PRKCA: variants seen among roughly 807,000 people sequenced by gnomAD.
PRKCA encodes the protein protein kinase C alpha, also known as protein kinase C alpha type.
Under a neutral mutation model 87.0 loss-of-function variants are expected in PRKCA, and 27 were observed. The observed-to-expected ratio is 0.31, with a 90% CI of 0.23 to 0.43. The LOEUF (loss-of-function observed/expected upper bound fraction) is 0.43. Ranked by LOEUF, PRKCA falls within the 20% of genes least tolerant of loss-of-function variation. PRKCA has a pLI of 1.00. For synonymous variants in PRKCA, 329 were observed against 311.1 expected (o/e 1.06, Z -0.61); for missense variants, 518 against 852.3 (o/e 0.61, Z 4.88).
intron 2 of PRKCA, among the ~76,000 whole-genome samples, chr17:66,350,038 G>C (rs756488433): frequency 6.6e-6 from 1 of 152,106 alleles, no homozygotes; most frequent in African/African-American, 2.4e-5. Context: ...CTAATGGGCA[G>C]TGAAAAAAGA....
intron 5 of PRKCA, among the ~76,000 whole-genome samples, chr17:66,664,351 G>A (rs559036960): frequency 1.3e-5 from 2 of 152,292 alleles, no homozygotes; most frequent in South Asian, 4.1e-4. Flanking sequence ...CCCAGGAGCT[G>A]CGTCCCAAGG....
At chr17:66,389,949 C>G (rs1327660597) in intron 2 of PRKCA, among the ~76,000 whole-genome samples, 4 of 152,224 alleles carry the variant, frequency 2.6e-5, no homozygotes, top group Admixed American at 6.5e-5. Context: ...AGAGGCCGGG[C>G]GCAGTGGCTC....
At chr17:66,536,628 G>C (rs1375953464) in intron 3 of PRKCA, among the ~76,000 whole-genome samples, 1 of 152,216 alleles carries the variant, frequency 6.6e-6, no homozygotes, top group Non-Finnish European at 1.5e-5. Context: ...GGATGCTGCT[G>C]TTGATGTCAT....
intron 13 of PRKCA, among the ~76,000 whole-genome samples, chr17:66,764,837 T>C (rs759278692): frequency 2.0e-5 from 3 of 152,192 alleles, no homozygotes; most frequent in Admixed American, 6.5e-5. Flanking sequence ...TAAGCCCACA[T>C]TGGCCCACAA....
intron 4 of PRKCA, among the ~76,000 whole-genome samples, chr17:66,643,101 G>A (rs1013010554): frequency 1.3e-5 from 2 of 152,120 alleles, no homozygotes; most frequent in Non-Finnish European, 2.9e-5. Flanking sequence ...GTTTTCAGGG[G>A]TTCTGCAAGG....
chr17:66,451,118 A>G (rs187044325), intron 2 of PRKCA, among the ~76,000 whole-genome samples: 41 of 152,312 alleles, frequency 2.7e-4, no homozygotes, highest in Non-Finnish European at 5.4e-4. Context: ...CTATTAACCA[A>G]GTAATATCTT....
intron 2 of PRKCA, among the ~76,000 whole-genome samples, chr17:66,432,670 G>GATGCCA (rs1913159871): frequency 6.6e-6 from 1 of 152,108 alleles, no homozygotes. Flanking sequence ...GCCAGGGACT[G>GATGCCA]GGCCTTATTC....
At chr17:66,376,845 T>C (rs1909448422) in intron 2 of PRKCA, among the ~76,000 whole-genome samples, 1 of 152,036 alleles carries the variant, frequency 6.6e-6, no homozygotes, top group South Asian at 2.1e-4. Context: ...CTCCTTGTTG[T>C]GTGGACCTGT....
At chr17:66,522,873 C>G (rs1392551801) in intron 3 of PRKCA, among the ~76,000 whole-genome samples, 143 of 151,522 alleles carry the variant, frequency 9.4e-4, no homozygotes, top group Non-Finnish European at 1.2e-4. Context: ...ATGAAACCTA[C>G]TATGAATCCA....
intron 13 of PRKCA, among the ~76,000 whole-genome samples, chr17:66,759,898 GT>G (rs1974644074): frequency 6.6e-6 from 1 of 152,206 alleles, no homozygotes; most frequent in Admixed American, 6.5e-5. Context: ...TAATGTGTGC[GT>G]CTGACAGCAG....
chr17:66,664,647 G>GTTTTTTTTTTTTTTTTT (rs398031366), intron 5 of PRKCA, among the ~76,000 whole-genome samples: 3 of 67,788 alleles, frequency 4.4e-5, no homozygotes, highest in African/African-American at 6.4e-5. Flanking sequence ...TTTTGCTTTG[G>GTTTTTTTTTTTTTTTTT]TTTTTTTTTT....
intron 2 of PRKCA, among the ~76,000 whole-genome samples, chr17:66,362,842 G>A (rs192932024): frequency 2.0e-5 from 3 of 152,236 alleles, no homozygotes; most frequent in Non-Finnish European, 4.4e-5. Context: ...TTACAGGCAT[G>A]TGCCGCCATG....
At chr17:66,504,198 A>C (rs983578509) in intron 3 of PRKCA, among the ~76,000 whole-genome samples, 2 of 152,090 alleles carry the variant, frequency 1.3e-5, no homozygotes, top group African/African-American at 4.8e-5. Context: ...TGTACTGTGA[A>C]GGTTACAAAG....
chr17:66,325,596 A>G (rs564249631), intron 2 of PRKCA, among the ~76,000 whole-genome samples: 23 of 152,294 alleles, frequency 1.5e-4, no homozygotes, highest in Middle Eastern at 3.4e-3. Context: ...AGAGTGTCCT[A>G]TTCATAAATC....
At chr17:66,552,247 A>G (rs1217947492) in intron 3 of PRKCA, among the ~76,000 whole-genome samples, 1 of 152,204 alleles carries the variant, frequency 6.6e-6, no homozygotes, top group Non-Finnish European at 1.5e-5. Context: ...GCAGTGAGCC[A>G]TGATTGCACC....
intron 5 of PRKCA, among the ~76,000 whole-genome samples, chr17:66,665,385 C>A (rs534163124): frequency 1.3e-5 from 2 of 152,260 alleles, no homozygotes; most frequent in South Asian, 4.2e-4. Flanking sequence ...TTCTGGTATA[C>A]GCTGAGTCAC....
chr17:66,521,304 C>G (rs4791053), intron 3 of PRKCA, among the ~76,000 whole-genome samples: 98,617 of 152,004 alleles, frequency 0.65, 32,974 homozygotes, highest in African/African-American at 0.82. Flanking sequence ...ATAGTGATGG[C>G]GATCTATAGT....
In PRKCA at chr17:66,575,435, C is replaced by T. The variant is rs370762283; in HGVS notation, c.289-65920C>T. On this transcript the variant is annotated intron_variant, in intron 3 of 16. Coordinates refer to ENST00000413366, the MANE Select transcript of PRKCA (RefSeq NM_002737.3). ...TCTCTACTAAAAATACAAAAATTAG[C>T]TGAGCATGGTGGCGCACACCTGTAA... Among the ~76,000 whole-genome samples, 105 of 152,278 alleles carry T rather than the reference C, an allele frequency of 6.9e-4. 1 individual carries two copies. Among genetic ancestry groups the T allele is most frequent in the African/African-American group, 2.5e-3 (103 of 41,562 alleles).
At chr17:66,651,175 G>A (rs1971583646) in intron 5 of PRKCA, among the ~76,000 whole-genome samples, 2 of 152,154 alleles carry the variant, frequency 1.3e-5, no homozygotes, top group African/African-American at 4.8e-5. Context: ...AGGAAGCTCA[G>A]CACCATCCAG....
Sources: gnomAD v4.1 joint callset for allele counts (sites outside exome capture counted in the v4.1 genomes callset) on GRCh38, gnomAD v4.1.1 for gene constraint, MANE v1.5 for transcripts, NCBI Gene and HGNC (gene_info 2026-07-23, HGNC 2026-07-21) for gene names.